MACF1: variants seen among roughly 807,000 people sequenced by gnomAD.
MACF1 encodes microtubule actin crosslinking factor 1.
In MACF1, 193 loss-of-function variants were observed where a neutral mutation model predicts 854.8. The observed-to-expected ratio is 0.23, with a 90% CI of 0.20 to 0.25. MACF1 has a LOEUF of 0.25. MACF1 is among the 10% of genes least tolerant of loss of function. MACF1 has a pLI of 1.00. For missense variants in MACF1, 7,722 were observed against 8,929.1 expected (o/e 0.86, Z 5.45); for synonymous variants, 3,185 against 3,226.7 (o/e 0.99, Z 0.44).
intron 49 of MACF1, among the ~76,000 whole-genome samples, chr1:39,363,733 C>T (rs1043851630): frequency 1.3e-5 from 2 of 152,026 alleles, no homozygotes; most frequent in Non-Finnish European, 2.9e-5. Context: ...CTGCCTCAGC[C>T]TCCCAAGAAG....
intron 61 of MACF1, among the ~76,000 whole-genome samples, chr1:39,425,377 C>A (rs1377457213): frequency 1.3e-5 from 2 of 152,114 alleles, no homozygotes; most frequent in South Asian, 2.1e-4. Flanking sequence ...TGCAGATGAA[C>A]CTTTCTGAAA....
At chr1:39,412,642 G>A in intron 58 of MACF1, 1 of 1,614,030 alleles carries the variant, frequency 6.2e-7, no homozygotes, top group Non-Finnish European at 8.5e-7. Context: ...GGCATCATCA[G>A]AGGGAGGGGA....
chr1:39,454,767 T>G, intron 88 of MACF1, 142 bp from the exon 89 acceptor site: 1 of 712,948 alleles, frequency 1.4e-6, no homozygotes, highest in Non-Finnish European at 2.3e-6. Context: ...GCCACTACAC[T>G]CCAGTGTGGG....
Position 39,084,307 on chromosome 1 carries a change from G to T in MACF1, c.89G>T (p.Arg30Leu). The change falls in exon 2 of 94, where the codon CGG becomes CTG. Residue 30 changes from arginine to leucine, a missense_variant. Arg to Leu is a moderately radical substitution (Grantham distance 102, BLOSUM62 -2). Transcript: ENST00000361689. The surrounding 1 kb of genome is among the most constrained non-coding windows in gnomAD (Gnocchi z 5.2). ...AGTGAGCGATCTTACAGGAGCGAGC[G>T]GTCGGGGAGCCTGTCTCCCTGTCCC... The T allele has an allele frequency of 6.2e-7, 1 of 1,614,024 alleles. No individual in the cohort carries two copies. The highest frequency in any genetic ancestry group is 1.6e-4 in the Middle Eastern group (1 of 6,062).
chr1:39,289,582 G>T (rs1645726183), intron 15 of MACF1, among the ~76,000 whole-genome samples: 1 of 147,958 alleles, frequency 6.8e-6, no homozygotes, highest in Non-Finnish European at 1.5e-5. Flanking sequence ...TTTTTAATTA[G>T]ATTATTAGTT....
intron 58 of MACF1, among the ~76,000 whole-genome samples, chr1:39,404,765 G>A (rs894217200): frequency 2.4e-4 from 36 of 152,178 alleles, no homozygotes; most frequent in African/African-American, 7.5e-4. Context: ...AATTACAGGT[G>A]TGAGCCATTG....
Position 39,335,499 on chromosome 1 carries a change from G to C in MACF1, c.8911G>C (p.Val2971Leu), listed in dbSNP as rs778429380. Residue 2971 changes from valine to leucine, a missense_variant, in exon 37 of 101, where the codon GTG becomes CTG. Physicochemically the swap from Val to Leu is conservative, Grantham distance 32 (BLOSUM62 1). Coordinates refer to ENST00000564288, the MANE Select transcript of MACF1 (RefSeq NM_001394062.1). Reference sequence around the variant, plus strand: ...TTTGCAGCAACCAATGAATGCTCGGGTGAAAAGTAAGAGAGAGAAGAGGGA... The same window carrying C: ...TTTGCAGCAACCAATGAATGCTCGGCTGAAAAGTAAGAGAGAGAAGAGGGA... ...QVLQQPMNAR[V>L]KSKREKREVI... 7 of 1,614,178 alleles carry C rather than the reference G, an allele frequency of 4.3e-6. No individual in the cohort carries two copies. Among genetic ancestry groups the C allele is most frequent in the Non-Finnish European group, 5.9e-6 (7 of 1,180,010 alleles).
intron 20 of MACF1, among the ~76,000 whole-genome samples, chr1:39,296,751 A>AAGG (rs1557571195): frequency 0.018 from 1,682 of 93,628 alleles, 112 homozygotes; most frequent in East Asian, 0.13. Context: ...AGAAAGAAAG[A>AAGG]AAGGAAGGAA....
chr1:39,340,502 G>C lies in MACF1; in HGVS notation c.10216G>C (p.Val3406Leu), dbSNP rs760837299. The C allele has an allele frequency of 1.1e-5, 18 of 1,608,694 alleles. No individual in the cohort carries two copies. The highest frequency in any genetic ancestry group is 1.3e-5 in the Non-Finnish European group (15 of 1,176,984). The change falls in exon 39 of 101, where the codon GTA (valine) becomes CTA (leucine). Residue 3406 changes from valine to leucine, a missense_variant and splice_region_variant. Val to Leu is a conservative substitution (Grantham distance 32). Coordinates refer to ENST00000564288, the MANE Select transcript of MACF1 (RefSeq NM_001394062.1). The part of the protein sequence containing the change: ...ELQDLLCQAK[V>L]LERELKDLTT... ...AGGTAACTCCACTTTATTCCCTCAG[G>C]TATTAGAAAGGGAGTTAAAGGATCT... is the stretch of plus-strand genomic sequence containing the variant.
At chr1:39,205,383 G>A in intron 1 of MACF1, among the ~76,000 whole-genome samples, 1 of 152,140 alleles carries the variant, frequency 6.6e-6, no homozygotes, top group African/African-American at 2.4e-5. Flanking sequence ...TAGATGAGGT[G>A]ATGACTGGGC....
intron 2 of MACF1, among the ~76,000 whole-genome samples, chr1:39,172,373 C>G (rs894339664): frequency 6.6e-6 from 1 of 152,068 alleles, no homozygotes; most frequent in African/African-American, 2.4e-5. Flanking sequence ...ATTTGAGAGC[C>G]TACTATATGC....
At chr1:39,386,339 C>T (rs778425842) in intron 57 of MACF1, among the ~76,000 whole-genome samples, 2 of 151,692 alleles carry the variant, frequency 1.3e-5, no homozygotes, top group Non-Finnish European at 2.9e-5. Flanking sequence ...TGGCTCACTG[C>T]ACCCTCAATC....
At position 39,349,521 on chromosome 1, in the gene MACF1, A is replaced by G; in HGVS notation, c.10859A>G (p.Asp3620Gly). The part of the protein sequence containing the change: ...QQNTCHQQLE[D>G]LCSWVGQAER... ...AATACCTGTCACCAGCAACTGGAGG[A>G]TCTTTGCAGTTGGGTAGGACAGGCA... The change falls in exon 42 of 101, where the codon GAT becomes GGT. Residue 3620 changes from aspartate (D) to glycine (G), a missense_variant. By Grantham distance (94) the Asp-to-Gly change is moderately conservative (BLOSUM62 -1). Around this residue, in one of 15 missense-constraint regions of MACF1, gnomAD observed 2,807 missense variants for 3,235.8 expected, o/e 0.87. Transcript: ENST00000564288. 6.2e-7 allele frequency: 1 copy of G among 1,614,178 alleles called. No individual in the cohort carries two copies. Among genetic ancestry groups the G allele is most frequent in the Non-Finnish European group, 8.5e-7 (1 of 1,180,000 alleles).
In MACF1 at chr1:39,347,139, G is replaced by A. The variant is rs1647070078; in HGVS notation, c.10744G>A (p.Glu3582Lys). ...GCAGAGGTCCTTCCAGGACATTTTG[G>A]AACAGACTGCCGCTCAGGTGGATGC... ...ELQRSFQDILEQTAAQVDALQ... is the reference protein window; with the variant it reads ...ELQRSFQDILKQTAAQVDALQ... The change falls in exon 41 of 101, where the codon GAA becomes AAA. Residue 3582 changes from glutamate (E) to lysine (K), a missense_variant. Coordinates refer to ENST00000564288, the MANE Select transcript of MACF1 (RefSeq NM_001394062.1). 4 of 1,614,106 alleles carry A rather than the reference G, an allele frequency of 2.5e-6. No individual in the cohort carries two copies. Among genetic ancestry groups the A allele is most frequent in the Non-Finnish European group, 3.4e-6 (4 of 1,180,036 alleles).
chr1:39,187,035 A>G (rs1464965404), intron 2 of MACF1, among the ~76,000 whole-genome samples: 2 of 149,968 alleles, frequency 1.3e-5, no homozygotes, highest in Non-Finnish European at 3.0e-5. Flanking sequence ...ATTCTACTAC[A>G]GAAAATTAGG....
intron 2 of MACF1, among the ~76,000 whole-genome samples, chr1:39,239,420 A>G (rs1471002816): frequency 6.6e-6 from 1 of 152,234 alleles, no homozygotes. Flanking sequence ...GGATAAGCAA[A>G]TTAATTCCTC....
At chr1:39,303,697 CAAAAA>C (rs35773116) in intron 23 of MACF1, among the ~76,000 whole-genome samples, 1 of 104,384 alleles carries the variant, frequency 9.6e-6, no homozygotes, top group Non-Finnish European at 2.1e-5. Context: ...ACTAAAAATA[CAAAAA>C]AAAAAAAAAA....
chr1:39,214,565 C>T (rs904799598), intron 1 of MACF1, among the ~76,000 whole-genome samples: 8 of 152,116 alleles, frequency 5.3e-5, no homozygotes, highest in African/African-American at 9.7e-5. Flanking sequence ...AACAAGCAAA[C>T]GGTATTTTTG....
At chr1:39,477,135 T>TATATAC (rs71060314) in intron 97 of MACF1, among the ~76,000 whole-genome samples, 2 of 103,370 alleles carry the variant, frequency 1.9e-5, no homozygotes, top group South Asian at 3.2e-4. Context: ...TATATATATA[T>TATATAC]ACACACACAC....
Sources: allele counts gnomAD v4.1 joint callset (sites outside exome capture counted in the v4.1 genomes callset), GRCh38; gene constraint gnomAD v4.1.1; regional missense constraint gnomAD v4.1.1; non-coding constraint Gnocchi (gnomAD v3.1); transcripts MANE v1.5; gene names NCBI Gene and HGNC (gene_info 2026-07-23, HGNC 2026-07-21).